Variants in TAF13 observed in about 807,000 individuals in gnomAD.
TAF13 encodes the protein transcription initiation factor TFIID subunit 13.
Under a neutral mutation model 18.7 loss-of-function variants are expected in TAF13, and 9 were observed. The ratio of observed to expected loss-of-function variants is 0.48; its 90% CI spans 0.29 to 0.84. The LOEUF (loss-of-function observed/expected upper bound fraction) is 0.84. TAF13 is among the 40% of genes least tolerant of loss of function. The probability of loss-of-function intolerance (pLI) is 0.08; values close to 1 mark genes in which losing one functional copy is unlikely to be tolerated. For synonymous variants in TAF13, 49 were observed against 44.1 expected, an observed-to-expected ratio of 1.11 and a Z score of -0.44; for missense variants, 105 against 146.5, an observed-to-expected ratio of 0.72 and a Z score of 1.46.
Position 109,075,940 on chromosome 1 carries a change from T to G in TAF13, c.8A>C (p.Asp3Ala). 5.6e-6 allele frequency: 9 copies of G among 1,614,234 alleles called. No homozygotes were observed. Among genetic ancestry groups the G allele is most frequent in the Non-Finnish European group, 7.6e-6 (9 of 1,180,038 alleles). The change falls in exon 1 of 4, where the codon GAT becomes GCT. Residue 3 changes from aspartate (D) to alanine (A), a missense_variant. Transcript: ENST00000338366. ...ACTCACCGTGGGGTCTTCTTCCTCA[T>G]CTGCCATCCCACTAGCACGCCAACT... Reference protein sequence around the residue: MADEEEDPTFEEE... With the variant: MAAEEEDPTFEEE...
Position 109,071,954 on chromosome 1 carries a change from G to GAAAAAAAAAAAAAAAA in TAF13, c.106+3032_106+3033insTTTTTTTTTTTTTTTT, listed in dbSNP as rs1171636503. Among the ~76,000 whole-genome samples the GAAAAAAAAAAAAAAAA allele has an allele frequency of 4.9e-5, 2 of 40,456 alleles. 1 individual carries two copies. The highest frequency in any genetic ancestry group is 1.6e-3 in the East Asian group (2 of 1,254). The allele number at this position is 40,456 out of a possible 152,430, so 26.5% of individuals were successfully genotyped here. Reference sequence around the variant, plus strand: ...CAACAGTGAGACTCTGTCTCAAAAAGAAAATATATATATATATATATACAC... The same window carrying GAAAAAAAAAAAAAAAA: ...CAACAGTGAGACTCTGTCTCAAAAAGAAAAAAAAAAAAAAAAAAAATATATATATATATATATACAC... On this transcript the variant is annotated intron_variant, in intron 2 of 3. Transcript: ENST00000338366.
At chr1:109,067,914 G>A (rs754719643) in intron 2 of TAF13, among the ~76,000 whole-genome samples, 7 of 152,150 alleles carry the variant, frequency 4.6e-5, no homozygotes, top group Non-Finnish European at 7.3e-5. Context: ...GATCTGGTTC[G>A]CGTCTTTACT....
chr1:109,074,137 C>T (rs564638595), intron 2 of TAF13, among the ~76,000 whole-genome samples: 1 of 152,170 alleles, frequency 6.6e-6, no homozygotes, highest in Non-Finnish European at 1.5e-5. Context: ...GAATAGAAAA[C>T]GGGGAAATGT....
At chr1:109,067,965 TAGGGCAG>T (rs1663980400) in intron 2 of TAF13, among the ~76,000 whole-genome samples, 1 of 152,218 alleles carries the variant, frequency 6.6e-6, no homozygotes, top group African/African-American at 2.4e-5. Context: ...AGTTGTAGTT[TAGGGCAG>T]ACAGGATCCG....
Position 109,066,231 on chromosome 1 carries a change from C to T in TAF13, c.108G>A (p.Leu36=), listed in dbSNP as rs1663949159. The change falls in exon 3 of 4, where the codon TTG becomes TTA. Residue 36 remains leucine (L), a splice_region_variant and synonymous_variant. Transcript: ENST00000338366. ...CCCCAAAGCCATACATCATACATCG[C>T]ACTGTAAAAGAACAATCACTTACTT... ...GKRKRLFSKE[L]RCMMYGFGDD... The T allele has an allele frequency of 1.3e-6, 2 of 1,594,812 alleles. No individual in the cohort carries two copies. Among genetic ancestry groups the T allele is most frequent in the Non-Finnish European group, 1.7e-6 (2 of 1,173,614 alleles).
chr1:109,068,218 C>T (rs1340288467), intron 2 of TAF13, among the ~76,000 whole-genome samples: 3 of 152,216 alleles, frequency 2.0e-5, no homozygotes, highest in Non-Finnish European at 4.4e-5. Flanking sequence ...TCACTGCAAC[C>T]TCCACCTCCC....
chr1:109,065,334 C>A (rs751630997), intron 3 of TAF13, among the ~76,000 whole-genome samples: 66 of 151,768 alleles, frequency 4.3e-4, no homozygotes, highest in Non-Finnish European at 8.1e-4. Context: ...ACAAAAAATT[C>A]AAAAATCAGC....
chr1:109,067,450 A>C (rs1401286914), intron 2 of TAF13, among the ~76,000 whole-genome samples: 3 of 151,892 alleles, frequency 2.0e-5, no homozygotes, highest in East Asian at 3.9e-4. Flanking sequence ...AAAAAAAAAA[A>C]AACACAAAAG....
intron 3 of TAF13, among the ~76,000 whole-genome samples, chr1:109,065,167 T>C (rs1663931108): frequency 6.6e-6 from 1 of 152,166 alleles, no homozygotes; most frequent in Admixed American, 6.6e-5. Context: ...TTATTTCTAA[T>C]GATTAAAAAA....
chr1:109,074,918 G>A (rs549663825), intron 2 of TAF13, 69 bp downstream of exon 2: 54 of 1,134,542 alleles, frequency 4.8e-5, no homozygotes, highest in Non-Finnish European at 6.3e-5. Context: ...AAGCAATAAA[G>A]CTACTTTGAA....
At position 109,066,143 on chromosome 1, in the gene TAF13, T is replaced by C; in HGVS notation, c.196A>G (p.Thr66Ala). Residue 66 changes from threonine (T) to alanine (A), a missense_variant, in exon 3 of 4, where the codon ACT becomes GCT. Thr to Ala is a moderately conservative substitution (Grantham distance 58). Transcript: ENST00000338366. ...TTAGGAAAGAATCTTACCATTTCAG[T>C]GATAAACTCTATGACAAGATCTTCA... ...ILEDLVIEFI[T>A]EMTHKAMSIG... The C allele has an allele frequency of 3.2e-5, 52 of 1,607,944 alleles. No individual in the cohort carries two copies. The highest frequency in any genetic ancestry group is 4.2e-5 in the Non-Finnish European group (50 of 1,178,312).
chr1:109,075,111 C>A, intron 1 of TAF13, 46 bp from the exon 2 acceptor site: 3 of 1,445,892 alleles, frequency 2.1e-6, no homozygotes, highest in Non-Finnish European at 1.9e-6. Context: ...AATTGCCTTG[C>A]ATTTGATATT....
chr1:109,073,445 T>C (rs1359218841), intron 2 of TAF13, among the ~76,000 whole-genome samples: 1 of 152,174 alleles, frequency 6.6e-6, no homozygotes, highest in African/African-American at 2.4e-5. Context: ...CGTCTCCCTC[T>C]GTTGCCGAGG....
chr1:109,072,780 CTTTT>C (rs58964826), intron 2 of TAF13, among the ~76,000 whole-genome samples: 39 of 130,428 alleles, frequency 3.0e-4, no homozygotes, highest in Admixed American at 3.8e-4. Context: ...GATTCACCAC[CTTTT>C]TTTTTTTTTT....
chr1:109,068,943 G>A (rs965748192), intron 2 of TAF13, among the ~76,000 whole-genome samples: 6 of 152,040 alleles, frequency 3.9e-5, no homozygotes, highest in African/African-American at 9.7e-5. Flanking sequence ...CAGAGGTTGC[G>A]GAGAGCTGAG....
At chr1:109,066,029 T>C (rs1383190948) in intron 3 of TAF13, 106 bp downstream of exon 3, 6 of 902,462 alleles carry the variant, frequency 6.6e-6, no homozygotes, top group Non-Finnish European at 1.0e-5. Flanking sequence ...AGCACTCAAA[T>C]GGATAGCTTA....
At chr1:109,067,774 C>A (rs1035686972) in intron 2 of TAF13, among the ~76,000 whole-genome samples, 1 of 152,290 alleles carries the variant, frequency 6.6e-6, no homozygotes, top group Non-Finnish European at 1.5e-5. Flanking sequence ...TTAATCCTCA[C>A]AATGATCCTT....
intron 2 of TAF13, among the ~76,000 whole-genome samples, chr1:109,069,937 A>G (rs1245258994): frequency 1.3e-5 from 2 of 152,166 alleles, no homozygotes; most frequent in Non-Finnish European, 2.9e-5. Flanking sequence ...AAAAAAAGAT[A>G]ATTTTAGATT....
chr1:109,069,177 T>C (rs1389676143), intron 2 of TAF13, among the ~76,000 whole-genome samples: 1 of 151,962 alleles, frequency 6.6e-6, no homozygotes, highest in Non-Finnish European at 1.5e-5. Flanking sequence ...TGTATCTTGA[T>C]CTTAGTAGTG....
Sources: allele counts gnomAD v4.1 joint callset (sites outside exome capture counted in the v4.1 genomes callset), GRCh38; gene constraint gnomAD v4.1.1; transcripts MANE v1.5; gene names NCBI Gene and HGNC (gene_info 2026-07-23, HGNC 2026-07-21).